Variants in GRIK1 observed in about 807,000 individuals in gnomAD.
GRIK1 encodes the protein glutamate ionotropic receptor kainate type subunit 1, also known as glutamate receptor ionotropic, kainate 1.
GRIK1 carries 69 observed loss-of-function variants against 105.7 expected under a neutral mutation model. That is an observed-to-expected ratio of 0.65 (90% CI 0.54 to 0.80). The LOEUF is 0.80. Ranked by LOEUF, GRIK1 falls within the 30% of genes least tolerant of loss-of-function variation. The pLI is 0.00. For missense variants in GRIK1, 1,109 were observed against 1,167.3 expected (o/e 0.95, Z 0.73); for synonymous variants, 438 against 431.3 (o/e 1.02, Z -0.19).
At chr21:29,747,442 C>T (rs116119828) in intron 1 of GRIK1, among the ~76,000 whole-genome samples, 2,531 of 152,262 alleles carry the variant, frequency 0.017, 78 homozygotes, top group African/African-American at 0.058. Context: ...TGGCTTCCTG[C>T]AGGGGTTAAG....
intron 1 of GRIK1, among the ~76,000 whole-genome samples, chr21:29,738,020 C>T (rs2064837777): frequency 6.6e-6 from 1 of 152,236 alleles, no homozygotes; most frequent in Non-Finnish European, 1.5e-5. Context: ...CTCCCCCACA[C>T]TACCAGAGTG....
chr21:29,595,347 T>TG (rs1047937695), intron 9 of GRIK1, among the ~76,000 whole-genome samples: 3 of 151,684 alleles, frequency 2.0e-5, no homozygotes, highest in African/African-American at 7.3e-5. Context: ...TAGGTTTTTT[T>TG]TTTTTTTTTT....
At chr21:29,858,692 C>T (rs903991743) in intron 1 of GRIK1, among the ~76,000 whole-genome samples, 30 of 152,062 alleles carry the variant, frequency 2.0e-4, no homozygotes, top group African/African-American at 6.8e-4. Flanking sequence ...GCTCATGATA[C>T]CACTCCTGCC....
At chr21:29,929,520 A>G (rs1342586651) in intron 1 of GRIK1, among the ~76,000 whole-genome samples, 2 of 152,232 alleles carry the variant, frequency 1.3e-5, no homozygotes, top group African/African-American at 4.8e-5. Context: ...AAAACCATAC[A>G]CTATGGTCTA....
At chr21:29,712,083 TACACACACACAC>T (rs56017389) in intron 1 of GRIK1, among the ~76,000 whole-genome samples, 78 of 135,368 alleles carry the variant, frequency 5.8e-4, no homozygotes, top group Admixed American at 1.7e-3. Flanking sequence ...TATACATACA[TACACACACACAC>T]ACACACACAC....
At chr21:29,563,739 T>G (rs1002693855) in intron 14 of GRIK1, among the ~76,000 whole-genome samples, 1 of 152,238 alleles carries the variant, frequency 6.6e-6, no homozygotes, top group Non-Finnish European at 1.5e-5. Context: ...GAAAATAATT[T>G]TCTTTGAAGT....
At chr21:29,750,556 C>G (rs2065168135) in intron 1 of GRIK1, among the ~76,000 whole-genome samples, 1 of 152,106 alleles carries the variant, frequency 6.6e-6, no homozygotes, top group Non-Finnish European at 1.5e-5. Flanking sequence ...CCACATTTGT[C>G]TTGAACTACT....
intron 1 of GRIK1, among the ~76,000 whole-genome samples, chr21:29,734,371 C>A (rs1053532145): frequency 1.2e-4 from 4 of 33,176 alleles, no homozygotes; most frequent in Admixed American, 4.1e-4. Context: ...CTTTTCTTTT[C>A]TTTTCTTTTC....
intron 4 of GRIK1, among the ~76,000 whole-genome samples, chr21:29,655,928 T>C (rs1008925896): frequency 6.6e-6 from 1 of 152,180 alleles, no homozygotes; most frequent in Non-Finnish European, 1.5e-5. Context: ...CCGGAAATGG[T>C]GTCAACTGAG....
intron 1 of GRIK1, among the ~76,000 whole-genome samples, chr21:29,854,761 G>A (rs1364007539): frequency 2.6e-5 from 4 of 152,134 alleles, no homozygotes; most frequent in Non-Finnish European, 4.4e-5. Flanking sequence ...GATGTCATTC[G>A]TTTGTCTTCC....
At chr21:29,792,995 T>C (rs1303864763) in intron 1 of GRIK1, among the ~76,000 whole-genome samples, 1 of 152,214 alleles carries the variant, frequency 6.6e-6, no homozygotes. Flanking sequence ...TGTCACTATT[T>C]TCTACTACCC....
chr21:29,713,094 C>T (rs115145133), intron 1 of GRIK1, among the ~76,000 whole-genome samples: 27 of 152,168 alleles, frequency 1.8e-4, no homozygotes, highest in African/African-American at 6.3e-4. Context: ...AGCCATCAGA[C>T]TTAAAGCTCA....
chr21:29,897,754 A>AT (rs943748770), intron 1 of GRIK1, among the ~76,000 whole-genome samples: 3 of 152,196 alleles, frequency 2.0e-5, no homozygotes, highest in Non-Finnish European at 2.9e-5. Context: ...TTAATCTCTG[A>AT]TTTTTAGAAT....
intron 1 of GRIK1, among the ~76,000 whole-genome samples, chr21:29,905,632 T>A (rs924928688): frequency 1.5e-5 from 2 of 136,872 alleles, no homozygotes; most frequent in African/African-American, 5.5e-5. Context: ...TTTTTTTTTT[T>A]TTTTTTTTTT....
chr21:29,637,243 T>A (rs1186136652), intron 7 of GRIK1, among the ~76,000 whole-genome samples: 2 of 152,212 alleles, frequency 1.3e-5, no homozygotes, highest in Non-Finnish European at 2.9e-5. Flanking sequence ...CTGTTCACTG[T>A]TCTTCCCAGC....
chr21:29,590,550 G>A (rs2061318332), intron 10 of GRIK1, among the ~76,000 whole-genome samples: 2 of 152,128 alleles, frequency 1.3e-5, no homozygotes, highest in Non-Finnish European at 2.9e-5. Flanking sequence ...GGTCTGATTT[G>A]GTGGCAAGTC....
intron 12 of GRIK1, among the ~76,000 whole-genome samples, chr21:29,582,152 C>T (rs1048685357): frequency 2.0e-5 from 3 of 152,042 alleles, no homozygotes; most frequent in South Asian, 2.1e-4. Context: ...GAATAGTCCA[C>T]GGGGAAAAAT....
At chr21:29,646,747 A>G (rs540052624) in intron 6 of GRIK1, among the ~76,000 whole-genome samples, 1 of 152,316 alleles carries the variant, frequency 6.6e-6, no homozygotes, top group East Asian at 1.9e-4. Flanking sequence ...TAGGTCCCAG[A>G]TAAGATTCCA....
At chr21:29,651,854 G>T (rs2062745839) in intron 5 of GRIK1, among the ~76,000 whole-genome samples, 1 of 151,454 alleles carries the variant, frequency 6.6e-6, no homozygotes. Context: ...ATAAAGGGGA[G>T]CTGCTATAGA....
Sources: gnomAD v4.1 joint callset for allele counts (sites outside exome capture counted in the v4.1 genomes callset) on GRCh38, gnomAD v4.1.1 for gene constraint, MANE v1.5 for transcripts, NCBI Gene and HGNC (gene_info 2026-07-23, HGNC 2026-07-21) for gene names.